Variants in PLEKHA8 observed in about 807,000 individuals in gnomAD.
PLEKHA8 encodes pleckstrin homology domain containing A8, also known as pleckstrin homology domain-containing family A member 8.
Under a neutral mutation model 68.2 loss-of-function variants are expected in PLEKHA8, and 36 were observed. The observed-to-expected ratio is 0.53, with a 90% confidence interval of 0.40 to 0.70. PLEKHA8 has a LOEUF of 0.70. Ranked by LOEUF, PLEKHA8 falls within the 30% of genes least tolerant of loss-of-function variation. The probability of loss-of-function intolerance (pLI) is 0.00; values close to 1 mark genes in which losing one functional copy is unlikely to be tolerated. For synonymous variants in PLEKHA8, 211 were observed against 216.1 expected, an observed-to-expected ratio of 0.98 and a Z score of 0.20; for missense variants, 505 against 615.4, an observed-to-expected ratio of 0.82 and a Z score of 1.90.
downstream of PLEKHA8, among the ~76,000 whole-genome samples, chr7:30,092,473 A>G (rs1034318954): frequency 3.9e-5 from 6 of 151,938 alleles, no homozygotes; most frequent in Non-Finnish European, 7.4e-5. Context: ...ATGTGGCACT[A>G]CCATTTCCTT....
chr7:30,129,362 AAAG>A lies in PLEKHA8; in HGVS notation c.*96_*98del. ...CCACACACTAAGGACGGTAAAGCAG[AAAG>A]AAGAGCTGAAACCCTGATGATAAAG... On this transcript the variant is annotated 3_prime_UTR_variant, in exon 14 of 14. Transcript: ENST00000396257. 9 of 1,609,616 alleles carry A rather than the reference AAAG, an allele frequency of 5.6e-6. 1 individual carries two copies. In the Middle Eastern group the frequency reaches 9.9e-4, roughly 177 times the overall value.
At chr7:30,122,887 A>G (rs1796716650) in intron 13 of PLEKHA8, among the ~76,000 whole-genome samples, 1 of 151,992 alleles carries the variant, frequency 6.6e-6, no homozygotes, top group African/African-American at 2.4e-5. Flanking sequence ...GAGGGGTGGG[A>G]GAGAGAGAGA....
At chr7:30,028,955 C>T (rs1389350008) in intron 1 of PLEKHA8, among the ~76,000 whole-genome samples, 153 bp downstream of exon 1, 1 of 152,208 alleles carries the variant, frequency 6.6e-6, no homozygotes, top group Non-Finnish European at 1.5e-5. Flanking sequence ...AGTTCTCTCA[C>T]GGGACCGTGT....
chr7:30,039,406 T>C (rs1358753902), intron 1 of PLEKHA8, among the ~76,000 whole-genome samples: 2 of 151,974 alleles, frequency 1.3e-5, no homozygotes, highest in Non-Finnish European at 2.9e-5. Flanking sequence ...TCCCCACTAC[T>C]CAGGAGGCTA....
In PLEKHA8 at chr7:30,081,955, T is replaced by A; in HGVS notation, c.*3168T>A. On this transcript the variant is annotated 3_prime_UTR_variant, in exon 14 of 14. Coordinates refer to ENST00000449726, the MANE Select transcript of PLEKHA8 (RefSeq NM_001197026.2). The stretch of plus-strand genomic sequence containing the variant: ...TCAGATTCCTTATAGCTAATGCTGG[T>A]GAAAAATGTTAAATTGGAGAGATCC... The A allele has an allele frequency of 1.1e-6, 1 of 950,210 alleles. No homozygotes were observed. Among genetic ancestry groups the A allele is most frequent in the Non-Finnish European group, 1.3e-6 (1 of 797,978 alleles). The allele number at this position is 950,210 out of a possible 1,614,324, so 58.9% of individuals were successfully genotyped here.
chr7:30,061,481 T>C (rs561945695), intron 10 of PLEKHA8, among the ~76,000 whole-genome samples: 9 of 152,316 alleles, frequency 5.9e-5, no homozygotes, highest in Middle Eastern at 3.4e-3. Context: ...TAAAAATCTT[T>C]TTTGTCATTG....
At chr7:30,070,791 G>T (rs532237179) in intron 12 of PLEKHA8, among the ~76,000 whole-genome samples, 6 of 152,196 alleles carry the variant, frequency 3.9e-5, no homozygotes, top group Admixed American at 1.3e-4. Context: ...TGATCCACCC[G>T]CCTCGGCCTC....
At chr7:30,115,574 A>C (rs563953815) in intron 13 of PLEKHA8, among the ~76,000 whole-genome samples, 1 of 151,430 alleles carries the variant, frequency 6.6e-6, no homozygotes, top group African/African-American at 2.4e-5. Context: ...ATATGTATAC[A>C]TGCACGTATA....
intron 13 of PLEKHA8, chr7:30,115,702 A>T (rs1247670893): frequency 1.4e-5 from 2 of 144,294 alleles, no homozygotes; most frequent in Non-Finnish European, 3.1e-5. Flanking sequence ...ACACGTATAC[A>T]TGTATACATA....
chr7:30,056,335 TAAC>T (rs1792907870), intron 9 of PLEKHA8, among the ~76,000 whole-genome samples: 48 of 123,138 alleles, frequency 3.9e-4, no homozygotes, highest in Middle Eastern at 4.1e-3. Context: ...TATATATAAA[TAAC>T]ATATATATAA....
chr7:30,087,790 C>G (rs1403788175), downstream of PLEKHA8, among the ~76,000 whole-genome samples: 1 of 152,186 alleles, frequency 6.6e-6, no homozygotes, highest in Non-Finnish European at 1.5e-5. Context: ...TCAAAATCTT[C>G]CCAGACTCAA....
At chr7:30,049,983 CCT>C (rs1258124250) in intron 5 of PLEKHA8, among the ~76,000 whole-genome samples, 1 of 152,204 alleles carries the variant, frequency 6.6e-6, no homozygotes, top group Non-Finnish European at 1.5e-5. Flanking sequence ...GGTCTAAAAG[CCT>C]CTCTTATACA....
In PLEKHA8 at chr7:30,051,148, C is replaced by T. The variant is rs1232701342; in HGVS notation, c.638+674C>T. ...CTCCTGAGCTCAAGCAATTCACCCG[C>T]CTTGGTCTCCCCAAGTATTGGTATT... On this transcript the variant is annotated intron_variant, in intron 6 of 13. Transcript: ENST00000449726. Among the ~76,000 whole-genome samples, 3 of 152,166 alleles carry T rather than the reference C, an allele frequency of 2.0e-5. No individual in the cohort carries two copies. In the East Asian group the frequency reaches 5.8e-4, roughly 29 times the overall value.
intron 12 of PLEKHA8, among the ~76,000 whole-genome samples, chr7:30,064,899 T>C (rs957803177): frequency 6.6e-6 from 1 of 151,946 alleles, no homozygotes; most frequent in African/African-American, 2.4e-5. Flanking sequence ...GGAAGGGGAG[T>C]AGGACAATGC....
intron 13 of PLEKHA8, among the ~76,000 whole-genome samples, chr7:30,103,940 G>A (rs1795965747): frequency 6.6e-6 from 1 of 152,142 alleles, no homozygotes; most frequent in Admixed American, 6.5e-5. Context: ...ATGAGAGACA[G>A]TATTCACAAT....
chr7:30,075,583 A>G (rs1392509920), intron 13 of PLEKHA8, among the ~76,000 whole-genome samples: 1 of 152,188 alleles, frequency 6.6e-6, no homozygotes, highest in Non-Finnish European at 1.5e-5. Context: ...CTCTGCAGTG[A>G]AGACACAATC....
At chr7:30,062,901 T>G (rs1312262282) in intron 12 of PLEKHA8, among the ~76,000 whole-genome samples, 159 bp downstream of exon 12, 6 of 152,248 alleles carry the variant, frequency 3.9e-5, no homozygotes, top group African/African-American at 1.4e-4. Flanking sequence ...ATGCTTTGTT[T>G]AAAAGTACCT....
At position 30,083,249 on chromosome 7, in the gene PLEKHA8, C is replaced by T. The variant is rs1386876456; in HGVS notation, c.*4462C>T. ...TTATGGATTGTATATAGAATGCTTT[C>T]GTTAGAAGTACATTCTACTTCTGTA... On this transcript the variant is annotated 3_prime_UTR_variant, in exon 14 of 14. Coordinates refer to ENST00000449726, the MANE Select transcript of PLEKHA8 (RefSeq NM_001197026.2). 1.1e-5 allele frequency: 11 copies of T among 981,050 alleles called. No individual in the cohort carries two copies. In the South Asian group the frequency reaches 2.4e-4, roughly 21 times the overall value. The allele number at this position is 981,050 out of a possible 1,614,324, so 60.8% of individuals were successfully genotyped here.
chr7:30,061,987 G>GGC lies in PLEKHA8; in HGVS notation c.1189_1190insGC (p.Val397GlyfsTer13). ...CGAAGTGGAGGCGGATGTAGCCCAG[G>GGC]TTAGGAACTCAGCGACTGAAGCCCT... is the stretch of plus-strand genomic sequence containing the variant. On this transcript the variant is annotated frameshift_variant, in exon 11 of 14. Coordinates refer to ENST00000449726, the MANE Select transcript of PLEKHA8 (RefSeq NM_001197026.2). LOFTEE classifies it high-confidence loss of function. 6.2e-7 allele frequency: 1 copy of GGC among 1,613,878 alleles called. No homozygotes were observed. The highest frequency in any genetic ancestry group is 8.5e-7 in the Non-Finnish European group (1 of 1,179,908).
Sources: gnomAD v4.1 joint callset for allele counts (sites outside exome capture counted in the v4.1 genomes callset) on GRCh38, gnomAD v4.1.1 for gene constraint, MANE v1.5 for transcripts, NCBI Gene and HGNC (gene_info 2026-07-23, HGNC 2026-07-21) for gene names.